The following FBXO34 variants were observed in gnomAD, a reference collection of about 807,000 sequenced individuals.
FBXO34 encodes the protein F-box protein 34, also known as F-box only protein 34.
FBXO34 carries 12 observed loss-of-function variants against 24.5 expected under a neutral mutation model. The observed-to-expected ratio is 0.49, with a 90% CI of 0.31 to 0.79. The LOEUF is 0.79. FBXO34 is among the 30% of genes least tolerant of loss of function. FBXO34 has a pLI of 0.04. For synonymous variants in FBXO34, 320 were observed against 311.9 expected (o/e 1.03, Z -0.27); for missense variants, 823 against 857.7 (o/e 0.96, Z 0.51).
intron 1 of FBXO34, among the ~76,000 whole-genome samples, chr14:55,283,600 G>A (rs1209314806): frequency 6.6e-6 from 1 of 151,834 alleles, no homozygotes; most frequent in African/African-American, 2.4e-5. Flanking sequence ...GAGTAGCTGG[G>A]ATTACAGGAG....
intron 1 of FBXO34, among the ~76,000 whole-genome samples, chr14:55,331,603 A>T (rs1375227873): frequency 2.1e-5 from 3 of 141,300 alleles, no homozygotes; most frequent in Non-Finnish European, 4.6e-5. Flanking sequence ...TATATATATA[A>T]AAAAATATAA....
chr14:55,300,750 C>T (rs551777338), intron 1 of FBXO34, among the ~76,000 whole-genome samples: 2 of 152,280 alleles, frequency 1.3e-5, no homozygotes, highest in African/African-American at 2.4e-5. Flanking sequence ...TATATATGCA[C>T]ATGGTAAAAT....
At chr14:55,380,604 C>A in the FBXO34 span, 3 of 1,612,182 alleles carry the variant, frequency 1.9e-6, no homozygotes, top group Non-Finnish European at 2.5e-6. Context: ...AGATTTACAT[C>A]AAGTATATGA....
the FBXO34 span, among the ~76,000 whole-genome samples, chr14:55,413,147 G>A: frequency 7.9e-5 from 12 of 152,324 alleles, 1 homozygote; most frequent in African/African-American, 1.2e-4. Flanking sequence ...GAAAGTTTAA[G>A]ATTTATTTTT....
At chr14:55,272,844 C>A (rs1881203071) in intron 1 of FBXO34, among the ~76,000 whole-genome samples, 1 of 152,050 alleles carries the variant, frequency 6.6e-6, no homozygotes, top group Non-Finnish European at 1.5e-5. Flanking sequence ...TCCAGGACCG[C>A]TTGTCTGGAT....
chr14:55,317,535 C>G (rs1239470134), intron 1 of FBXO34, among the ~76,000 whole-genome samples: 1 of 152,058 alleles, frequency 6.6e-6, no homozygotes, highest in African/African-American at 2.4e-5. Flanking sequence ...AAACTCATCA[C>G]TTTCTAATTG....
the FBXO34 span, among the ~76,000 whole-genome samples, chr14:55,435,337 A>G: frequency 1.3e-5 from 2 of 149,568 alleles, no homozygotes; most frequent in Non-Finnish European, 3.0e-5. Flanking sequence ...ATGTAATGGC[A>G]TGATCTTGGC....
the FBXO34 span, among the ~76,000 whole-genome samples, chr14:55,394,567 C>T: frequency 6.6e-6 from 1 of 152,286 alleles, no homozygotes; most frequent in East Asian, 1.9e-4. Flanking sequence ...AGCATGTACA[C>T]TACAGATTCA....
At chr14:55,314,176 G>T (rs1029109200) in intron 1 of FBXO34, among the ~76,000 whole-genome samples, 1 of 151,982 alleles carries the variant, frequency 6.6e-6, no homozygotes, top group Non-Finnish European at 1.5e-5. Context: ...CTCCCAAAGT[G>T]TTGGGATTAC....
At chr14:55,415,436 A>T in the FBXO34 span, among the ~76,000 whole-genome samples, 4 of 152,198 alleles carry the variant, frequency 2.6e-5, no homozygotes, top group African/African-American at 9.6e-5. Flanking sequence ...TGACCCAACA[A>T]TTTCACGCCT....
chr14:55,393,991 T>C, the FBXO34 span, among the ~76,000 whole-genome samples: 2 of 151,758 alleles, frequency 1.3e-5, no homozygotes, highest in Non-Finnish European at 2.9e-5. Context: ...TTTTAACAAC[T>C]ACACAGTATC....
the FBXO34 span, among the ~76,000 whole-genome samples, chr14:55,396,561 T>C: frequency 6.6e-6 from 1 of 152,180 alleles, no homozygotes; most frequent in Non-Finnish European, 1.5e-5. Context: ...GCCTGAGCAT[T>C]AACTGTTTTC....
At chr14:55,416,744 C>T in the FBXO34 span, among the ~76,000 whole-genome samples, 1 of 152,214 alleles carries the variant, frequency 6.6e-6, no homozygotes, top group Non-Finnish European at 1.5e-5. Flanking sequence ...TAGCTGCATT[C>T]GTCTTGAACA....
intron 1 of FBXO34, among the ~76,000 whole-genome samples, chr14:55,275,432 T>C (rs569354112): frequency 1.1e-4 from 17 of 152,314 alleles, no homozygotes; most frequent in Non-Finnish European, 2.4e-4. Flanking sequence ...AGAGATGATA[T>C]ATCCTTGCTG....
At chr14:55,349,602 A>ATTTT (rs1555339656) in intron 1 of FBXO34, among the ~76,000 whole-genome samples, 2 of 90,374 alleles carry the variant, frequency 2.2e-5, no homozygotes, top group Admixed American at 9.8e-5. Flanking sequence ...GGAAGCAATA[A>ATTTT]TTTTCTTTTT....
chr14:55,428,909 G>T, the FBXO34 span: 3 of 1,614,054 alleles, frequency 1.9e-6, no homozygotes, highest in African/African-American at 2.7e-5. Context: ...GAGGAATCTG[G>T]CAGGGAACCC....
intron 1 of FBXO34, among the ~76,000 whole-genome samples, chr14:55,328,084 G>A (rs1023209555): frequency 2.0e-5 from 3 of 151,674 alleles, no homozygotes; most frequent in Non-Finnish European, 4.4e-5. Flanking sequence ...CCCGAGTAGA[G>A]TAGCTGGGAT....
intron 1 of FBXO34, among the ~76,000 whole-genome samples, chr14:55,308,120 C>G (rs893648752): frequency 1.3e-5 from 2 of 152,180 alleles, no homozygotes; most frequent in African/African-American, 4.8e-5. Context: ...CATTCACCTG[C>G]TATGATTGTG....
chr14:55,375,056 T>G, the FBXO34 span, among the ~76,000 whole-genome samples: 1 of 152,236 alleles, frequency 6.6e-6, no homozygotes, highest in Non-Finnish European at 1.5e-5. Flanking sequence ...TTTGCAACAC[T>G]GAGCCTTCTC....
Sources: gnomAD v4.1 joint callset for allele counts (sites outside exome capture counted in the v4.1 genomes callset) on GRCh38, gnomAD v4.1.1 for gene constraint, MANE v1.5 for transcripts, NCBI Gene and HGNC (gene_info 2026-07-23, HGNC 2026-07-21) for gene names.